The following ATMIN variants were observed in gnomAD, a reference collection of about 807,000 sequenced individuals.
ATMIN encodes the protein ATM INteracting protein.
ATMIN carries 24 observed loss-of-function variants against 49.2 expected under a neutral mutation model. The observed-to-expected ratio is 0.49, with a 90% confidence interval of 0.35 to 0.69. ATMIN has a LOEUF of 0.69. Among genes scored for constraint, ATMIN ranks in the 30% least tolerant of loss-of-function variants. The probability of loss-of-function intolerance (pLI) is 0.00; values close to 1 mark genes in which losing one functional copy is unlikely to be tolerated. For synonymous variants in ATMIN, 450 were observed against 392.5 expected, an observed-to-expected ratio of 1.15 and a Z score of -1.73; for missense variants, 1,037 against 1,005.5, an observed-to-expected ratio of 1.03 and a Z score of -0.42.
intron 1 of ATMIN, 21 bp from the exon 2 acceptor site, chr16:81,041,335 A>C: frequency 6.3e-7 from 1 of 1,589,134 alleles, no homozygotes; most frequent in East Asian, 2.2e-5. Context: ...ATAATAATTT[A>C]AAGTAATTTT....
Position 81,035,861 on chromosome 16 carries a change from T to A in ATMIN, c.-10T>A, listed in dbSNP as rs573547224. On this transcript the variant is annotated 5_prime_UTR_variant, in exon 1 of 4. Coordinates refer to ENST00000299575, the MANE Select transcript of ATMIN (RefSeq NM_015251.3). ...GCCTACGAACTGGGCCGGGCGGCCGTGCGGGAGCCATGGCGGCCTCGGAGG... is the reference window on the plus strand; with the variant it reads ...GCCTACGAACTGGGCCGGGCGGCCGAGCGGGAGCCATGGCGGCCTCGGAGG... 3,334 of 860,884 alleles carry A rather than the reference T, an allele frequency of 3.9e-3. 74 individuals are homozygous for A. The African/African-American group carries it at 0.055, about 14-fold the overall frequency. The allele number at this position is 860,884 out of a possible 1,614,324, so 53.3% of individuals were successfully genotyped here. A position where few individuals can be genotyped will look rare whatever the true frequency, so the allele number is the denominator to read the frequency against.
intron 1 of ATMIN, among the ~76,000 whole-genome samples, chr16:81,038,453 G>C (rs1011009451): frequency 2.6e-5 from 4 of 151,978 alleles, no homozygotes; most frequent in African/African-American, 9.7e-5. Flanking sequence ...TTTTTAGCAG[G>C]AATTATACCT....
In ATMIN at chr16:81,044,577, C is replaced by T. The variant is rs558190587; in HGVS notation, c.2079C>T (p.Asn693=). The T allele has an allele frequency of 2.2e-4, 357 of 1,613,932 alleles. No homozygotes were observed. Among genetic ancestry groups the T allele is most frequent in the Non-Finnish European group, 2.9e-4 (343 of 1,180,028 alleles). The part of the protein sequence containing the change: ...AQSYGCRGNS[N]FLGLEMFDTQ... ...CCTATGGGTGTAGGGGAAATTCTAA[C>T]TTCTTAGGCCTTGAGATGTTTGACA... The change falls in exon 4 of 4, where the codon AAC becomes AAT. Residue 693 remains asparagine, a synonymous_variant. Coordinates refer to ENST00000299575, the MANE Select transcript of ATMIN (RefSeq NM_015251.3).
intron 1 of ATMIN, 54 bp from the exon 2 acceptor site, chr16:81,041,302 G>A (rs1260522546): frequency 6.4e-7 from 1 of 1,559,018 alleles, no homozygotes; most frequent in Non-Finnish European, 8.7e-7. Flanking sequence ...TTCCACTCCA[G>A]CCTGTTGTGT....
Position 81,044,794 on chromosome 16 carries a change from C to T in ATMIN, c.2296C>T (p.Gln766Ter). The change falls in exon 4 of 4, where the codon CAG becomes TAG. Residue 766 changes from glutamine (Q) to a stop codon, truncating the protein, a stop_gained. Transcript: ENST00000299575. LOFTEE classifies it high-confidence loss of function. ...AGTTCAGTTGAACAGTACAGAAACACAGACCATGAGTTCTGGGTTTGAAAC... is the reference window on the plus strand; with the variant it reads ...AGTTCAGTTGAACAGTACAGAAACATAGACCATGAGTTCTGGGTTTGAAAC... ...SKVQLNSTET[Q>*]TMSSGFETLG... The T allele has an allele frequency of 3.7e-6, 6 of 1,614,188 alleles. No homozygotes were observed. Among genetic ancestry groups the T allele is most frequent in the Non-Finnish European group, 5.1e-6 (6 of 1,180,040 alleles).
rs1971113703 is a variant in ATMIN at position 81,046,046 on chromosome 16, CA to C, written c.*1079del. On this transcript the variant is annotated 3_prime_UTR_variant, in exon 4 of 4. Coordinates refer to ENST00000299575, the MANE Select transcript of ATMIN (RefSeq NM_015251.3). ...TCCTGCTAAATGAGCGTAGGTTATC[CA>C]AACCTTGGGAACAGGGAGTTATGGA... is the stretch of plus-strand genomic sequence containing the variant. 1 of 151,802 alleles carries C rather than the reference CA, an allele frequency of 6.6e-6. No homozygotes were observed. The highest frequency in any genetic ancestry group is 1.5e-5 in the Non-Finnish European group (1 of 68,014). The allele number at this position is 151,802 out of a possible 1,614,324, so 9.4% of individuals were successfully genotyped here.
At chr16:81,036,581 C>T (rs545749812) in intron 1 of ATMIN, among the ~76,000 whole-genome samples, 3 of 152,216 alleles carry the variant, frequency 2.0e-5, no homozygotes, top group Non-Finnish European at 4.4e-5. Flanking sequence ...TAATGAGAAA[C>T]AGATTATGCA....
intron 1 of ATMIN, among the ~76,000 whole-genome samples, chr16:81,039,718 A>G (rs891871526): frequency 6.6e-6 from 1 of 152,346 alleles, no homozygotes; most frequent in Admixed American, 6.5e-5. Context: ...TGGAGGGGAC[A>G]GGCAGGCACT....
chr16:81,038,945 T>C lies in ATMIN; in HGVS notation c.337-2411T>C, dbSNP rs185635639. Among the ~76,000 whole-genome samples, 4 of 152,194 alleles carry C rather than the reference T, an allele frequency of 2.6e-5. No homozygotes were observed. The East Asian group carries it at 7.7e-4, about 29-fold the overall frequency. On this transcript the variant is annotated intron_variant, in intron 1 of 3. Transcript: ENST00000299575. ...CGAGTAGTTGGGACTACAGGCATGCTCCACCACGCCCGACTAATTTTTGTT... is the reference window on the plus strand; with the variant it reads ...CGAGTAGTTGGGACTACAGGCATGCCCCACCACGCCCGACTAATTTTTGTT...
chr16:81,046,147 G>C lies in ATMIN; in HGVS notation c.*1177G>C, dbSNP rs1281590477. The C allele has an allele frequency of 3.3e-5, 5 of 152,020 alleles. No individual in the cohort carries two copies. Among genetic ancestry groups the C allele is most frequent in the Non-Finnish European group, 7.4e-5 (5 of 68,018 alleles). 9.4% of individuals were successfully genotyped at this position (152,020 alleles called of 1,614,324 possible). Reference sequence around the variant, plus strand: ...GGTCTCCACAGTAGGCCAGAGTTGGGGGCTCTGGAGCTGTTTCCCCAAGTG... The same window carrying C: ...GGTCTCCACAGTAGGCCAGAGTTGGCGGCTCTGGAGCTGTTTCCCCAAGTG... On this transcript the variant is annotated 3_prime_UTR_variant, in exon 4 of 4. Transcript: ENST00000299575.
chr16:81,040,534 C>T (rs1400030396), intron 1 of ATMIN: 1 of 152,174 alleles, frequency 6.6e-6, no homozygotes, highest in Non-Finnish European at 1.5e-5. Flanking sequence ...TTTTATTGAA[C>T]ATTTATTCTG....
At chr16:81,036,487 G>A (rs1970937110) in intron 1 of ATMIN, among the ~76,000 whole-genome samples, 1 of 152,214 alleles carries the variant, frequency 6.6e-6, no homozygotes, top group Admixed American at 6.5e-5. Flanking sequence ...GTGTCGTGCC[G>A]GACGCCGGCC....
At chr16:81,040,543 T>G (rs1020474663) in intron 1 of ATMIN, 8 of 152,242 alleles carry the variant, frequency 5.3e-5, no homozygotes, top group African/African-American at 1.9e-4. Flanking sequence ...ACATTTATTC[T>G]GTTCAAAACA....
chr16:81,036,201 C>A lies in ATMIN; in HGVS notation c.331C>A (p.Leu111Met). 1 of 1,442,512 alleles carries A rather than the reference C, an allele frequency of 6.9e-7. No homozygotes were observed. Among genetic ancestry groups the A allele is most frequent in the Non-Finnish European group, 9.2e-7 (1 of 1,089,768 alleles). The allele number at this position is 1,442,512 out of a possible 1,614,324, so 89.4% of individuals were successfully genotyped here. A position where few individuals can be genotyped will look rare whatever the true frequency, so the allele number is the denominator to read the frequency against. Reference protein sequence around the residue: ...LNMHLVKSHRLQDGIVNPTIR... With the variant: ...LNMHLVKSHRMQDGIVNPTIR... ...CATGCACCTAGTCAAGAGCCACCGC[C>A]TGCAGGTGAGCCCGACGCGGCCGGC... The change falls in exon 1 of 4, where the codon CTG becomes ATG. Residue 111 changes from leucine to methionine, a missense_variant. Leu to Met is a conservative substitution (Grantham distance 15, BLOSUM62 2). Coordinates refer to ENST00000299575, the MANE Select transcript of ATMIN (RefSeq NM_015251.3).
chr16:81,043,171 A>G lies in ATMIN; in HGVS notation c.673A>G (p.Ser225Gly), dbSNP rs1971062997. ...TGTCATTGTTTTCAGGGACCCACCT[A>G]GTAAGAAAAGGAAAATGGAAAACTG... ...EIPAEHRDPP[S>G]KKRKMENCAQ... Residue 225 changes from serine to glycine, a missense_variant, in exon 4 of 4, where the codon AGT becomes GGT. Transcript: ENST00000299575. 4 of 1,599,644 alleles carry G rather than the reference A, an allele frequency of 2.5e-6. No individual in the cohort carries two copies. The highest frequency in any genetic ancestry group is 3.6e-5 in the Admixed American group (2 of 55,944).
chr16:81,044,530 C>G lies in ATMIN; in HGVS notation c.2032C>G (p.Leu678Val), dbSNP rs775327576. The change falls in exon 4 of 4, where the codon CTC (leucine) becomes GTC (valine). Residue 678 changes from leucine to valine, a missense_variant. Leu to Val is a conservative substitution (Grantham distance 32). Transcript: ENST00000299575. ...CATAGAGACTCAAACGGACTTCTTA[C>G]TCGCAGATACCTCTGCTCAGTCCTA... The part of the protein sequence containing the change: ...LDIETQTDFL[L>V]ADTSAQSYGC... 4 of 1,614,088 alleles carry G rather than the reference C, an allele frequency of 2.5e-6. No individual in the cohort carries two copies. Among genetic ancestry groups the G allele is most frequent in the Non-Finnish European group, 3.4e-6 (4 of 1,180,016 alleles).
intron 1 of ATMIN, among the ~76,000 whole-genome samples, chr16:81,036,486 C>G (rs1327528405): frequency 6.6e-6 from 1 of 152,238 alleles, no homozygotes; most frequent in East Asian, 1.9e-4. Context: ...AGTGTCGTGC[C>G]GGACGCCGGC....
In ATMIN at chr16:81,045,534, C is replaced by T. The variant is rs931212627; in HGVS notation, c.*564C>T. The T allele has an allele frequency of 6.5e-6, 1 of 153,048 alleles. No homozygotes were observed. Among genetic ancestry groups the T allele is most frequent in the Non-Finnish European group, 1.5e-5 (1 of 68,696 alleles). 9.5% of individuals were successfully genotyped at this position (153,048 alleles called of 1,614,324 possible). On this transcript the variant is annotated 3_prime_UTR_variant, in exon 4 of 4. Coordinates refer to ENST00000299575, the MANE Select transcript of ATMIN (RefSeq NM_015251.3). ...ACACCTCTTTTCTGATTTAAAGACA[C>T]CAAGGAAAACTACAACTGTCTTTAG...
In ATMIN at chr16:81,043,770, T is replaced by C. The variant is rs1971075006; in HGVS notation, c.1272T>C (p.Phe424=). The part of the protein sequence containing the change: ...QTDLSYASQN[F]IPSAQWATAD... ...ATCTGTCTTATGCCTCACAAAACTT[T>C]ATACCTTCTGCACAGTGGGCCACTG... is the stretch of plus-strand genomic sequence containing the variant. The change falls in exon 4 of 4, where the codon TTT becomes TTC. Residue 424 remains phenylalanine (F), a synonymous_variant. Coordinates refer to ENST00000299575, the MANE Select transcript of ATMIN (RefSeq NM_015251.3). 1.2e-6 allele frequency: 2 copies of C among 1,614,268 alleles called. No homozygotes were observed. Among genetic ancestry groups the C allele is most frequent in the Admixed American group, 1.7e-5 (1 of 60,028 alleles).
Sources: gnomAD v4.1 joint callset for allele counts (sites outside exome capture counted in the v4.1 genomes callset) on GRCh38, gnomAD v4.1.1 for gene constraint, MANE v1.5 for transcripts, NCBI Gene and HGNC (gene_info 2026-07-23, HGNC 2026-07-21) for gene names.